ALPK1: variants seen among roughly 807,000 people sequenced by gnomAD.
ALPK1 encodes the protein alpha kinase 1.
In ALPK1, 110 loss-of-function variants were observed where a neutral mutation model predicts 120.6. The observed-to-expected ratio is 0.91, with a 90% CI of 0.78 to 1.07. ALPK1 has a LOEUF of 1.07. ALPK1 is among the 50% of genes least tolerant of loss of function. The pLI is 0.00. For synonymous variants in ALPK1, 582 were observed against 560.3 expected (o/e 1.04, Z -0.55); for missense variants, 1,498 against 1,483.9 (o/e 1.01, Z -0.16).
chr4:112,374,406 A>G (rs1330178243), intron 2 of ALPK1, among the ~76,000 whole-genome samples: 1 of 152,140 alleles, frequency 6.6e-6, no homozygotes, highest in African/African-American at 2.4e-5. Flanking sequence ...AGCTACTTCC[A>G]CCACTGAAGT....
chr4:112,300,543 G>A (rs1228029107), intron 1 of ALPK1, among the ~76,000 whole-genome samples: 1 of 151,964 alleles, frequency 6.6e-6, no homozygotes, highest in Non-Finnish European at 1.5e-5. Flanking sequence ...AGAGAGGACG[G>A]AGTCTCAGTG....
intron 5 of ALPK1, among the ~76,000 whole-genome samples, chr4:112,421,819 A>G (rs1377241835): frequency 6.6e-6 from 1 of 152,142 alleles, no homozygotes; most frequent in Non-Finnish European, 1.5e-5. Flanking sequence ...CTTCTTCACC[A>G]TTTTTGGATA....
Position 112,427,616 on chromosome 4 carries a change from T to C in ALPK1, c.746T>C (p.Met249Thr), listed in dbSNP as rs752537126. 8.1e-6 allele frequency: 13 copies of C among 1,614,014 alleles called. No homozygotes were observed. Among genetic ancestry groups the C allele is most frequent in the South Asian group, 6.6e-5 (6 of 91,076 alleles). Residue 249 changes from methionine to threonine, a missense_variant, in exon 9 of 16, where the codon ATG (methionine) becomes ACG (threonine). Physicochemically the swap from Met to Thr is moderately conservative, Grantham distance 81. Coordinates refer to ENST00000650871, the MANE Select transcript of ALPK1 (RefSeq NM_025144.4). The stretch of plus-strand genomic sequence containing the variant: ...ATACTGGCAGACATCTTTGTTTCCA[T>C]GAGCAAGAACGATTATGAAAAGTTT... ...LGILADIFVS[M>T]SKNDYEKFKN...
intron 2 of ALPK1, among the ~76,000 whole-genome samples, chr4:112,354,582 C>T (rs556270189): frequency 9.8e-5 from 15 of 152,296 alleles, no homozygotes; most frequent in Non-Finnish European, 1.8e-4. Flanking sequence ...AATCTCGAGC[C>T]TCAGCCTCCC....
At chr4:112,390,776 G>T (rs902047286) in intron 4 of ALPK1, among the ~76,000 whole-genome samples, 1 of 152,180 alleles carries the variant, frequency 6.6e-6, no homozygotes, top group Non-Finnish European at 1.5e-5. Flanking sequence ...TCTCAGGGAT[G>T]GAAGGCATTT....
intron 4 of ALPK1, among the ~76,000 whole-genome samples, chr4:112,410,129 G>C (rs1733384156): frequency 1.3e-5 from 2 of 151,978 alleles, no homozygotes; most frequent in African/African-American, 4.8e-5. Flanking sequence ...GACTCAAAGG[G>C]GACCCTCTGC....
chr4:112,357,167 T>C (rs1364937495), intron 2 of ALPK1: 3 of 1,527,452 alleles, frequency 2.0e-6, no homozygotes, highest in Non-Finnish European at 1.8e-6. Flanking sequence ...GCCAGGGAGC[T>C]ACATCTTTGA....
At chr4:112,435,061 G>A (rs1010066910) in intron 11 of ALPK1, 87 bp from the exon 12 acceptor site, 10 of 1,301,032 alleles carry the variant, frequency 7.7e-6, no homozygotes, top group Non-Finnish European at 1.1e-5. Flanking sequence ...AGGTGAGCTG[G>A]CGTAGGACCT....
In ALPK1 at chr4:112,440,963, C is replaced by G; in HGVS notation, c.3585C>G (p.Pro1195=). The change falls in exon 15 of 16, where the codon CCC becomes CCG. Residue 1195 remains proline, a synonymous_variant. Transcript: ENST00000650871. ...AAGGACTCATCTACCTCACAGATCCCCAGATTCACTCCGTTGATCAGAAAG... is the reference window on the plus strand; with the variant it reads ...AAGGACTCATCTACCTCACAGATCCGCAGATTCACTCCGTTGATCAGAAAG... ...NGKGLIYLTD[P]QIHSVDQKVF... is the part of the protein sequence containing the mutation. 1 of 1,613,812 alleles carries G rather than the reference C, an allele frequency of 6.2e-7. No homozygotes were observed. Among genetic ancestry groups the G allele is most frequent in the Non-Finnish European group, 8.5e-7 (1 of 1,179,848 alleles).
rs570688583 is a variant in ALPK1, at chr4:112,415,367, G to A, written c.475+3342G>A. Reference sequence around the variant, plus strand: ...AATTATAAGCAACAGGCTGGGCAGCGGCTCACGCCTGTAAACCCAGCATTT... The same window carrying A: ...AATTATAAGCAACAGGCTGGGCAGCAGCTCACGCCTGTAAACCCAGCATTT... On this transcript the variant is annotated intron_variant, in intron 5 of 15. Coordinates refer to ENST00000650871, the MANE Select transcript of ALPK1 (RefSeq NM_025144.4). 2.1e-3 allele frequency among the ~76,000 whole-genome samples: 319 copies of A among 152,318 alleles called. 3 individuals carry two copies. The highest frequency in any genetic ancestry group is 7.4e-3 in the African/African-American group (306 of 41,568).
chr4:112,342,170 G>A (rs1729890819), intron 2 of ALPK1, among the ~76,000 whole-genome samples: 1 of 152,164 alleles, frequency 6.6e-6, no homozygotes, highest in African/African-American at 2.4e-5. Context: ...TGTTTAGAAG[G>A]TCCACTTGTC....
intron 14 of ALPK1, among the ~76,000 whole-genome samples, chr4:112,440,285 A>G (rs1300011375): frequency 5.9e-5 from 9 of 152,208 alleles, no homozygotes; most frequent in African/African-American, 1.9e-4. Flanking sequence ...AATGGGGGTC[A>G]TTATAGAACA....
chr4:112,350,451 A>T (rs1171281064), intron 2 of ALPK1, among the ~76,000 whole-genome samples: 3 of 152,206 alleles, frequency 2.0e-5, no homozygotes, highest in Non-Finnish European at 4.4e-5. Context: ...CCATCCCTGG[A>T]GAGATGCAGC....
At chr4:112,315,482 G>T (rs1195314349) in intron 1 of ALPK1, among the ~76,000 whole-genome samples, 1 of 152,148 alleles carries the variant, frequency 6.6e-6, no homozygotes, top group African/African-American at 2.4e-5. Flanking sequence ...AGTTTAAGGA[G>T]AAATTTGAAG....
chr4:112,363,447 TAAAA>T (rs543028677), intron 2 of ALPK1, among the ~76,000 whole-genome samples: 16 of 152,070 alleles, frequency 1.1e-4, no homozygotes, highest in Middle Eastern at 6.8e-3. Context: ...CAACAGCAGT[TAAAA>T]AAGAAAAAGG....
intron 4 of ALPK1, among the ~76,000 whole-genome samples, chr4:112,400,214 G>C (rs188209797): frequency 6.6e-6 from 1 of 152,108 alleles, no homozygotes; most frequent in Non-Finnish European, 1.5e-5. Flanking sequence ...AGAATTATCC[G>C]GGGGAAATTA....
intron 2 of ALPK1, chr4:112,358,528 G>T: frequency 2.9e-6 from 2 of 683,684 alleles, no homozygotes; most frequent in African/African-American, 1.8e-5. Flanking sequence ...GGGACCCGGA[G>T]GGCAGCCTGT....
chr4:112,357,261 G>A, intron 2 of ALPK1: 1 of 1,362,808 alleles, frequency 7.3e-7, no homozygotes. Context: ...CATCTGGCAG[G>A]ACGTGCTGGG....
chr4:112,308,732 CCTT>C (rs1438148140), intron 1 of ALPK1, among the ~76,000 whole-genome samples: 1 of 152,106 alleles, frequency 6.6e-6, no homozygotes, highest in African/African-American at 2.4e-5. Context: ...TCGTCTGAAG[CCTT>C]CTTCTCTGAA....
Sources: gnomAD v4.1 joint callset for allele counts (sites outside exome capture counted in the v4.1 genomes callset) on GRCh38, gnomAD v4.1.1 for gene constraint, MANE v1.5 for transcripts, NCBI Gene and HGNC (gene_info 2026-07-23, HGNC 2026-07-21) for gene names.